ARHGAP26: variants seen among roughly 807,000 people sequenced by gnomAD.
The protein encoded by ARHGAP26 is Rho GTPase activating protein 26.
In ARHGAP26, 38 loss-of-function variants were observed where a neutral mutation model predicts 104.8. The observed-to-expected ratio is 0.36, with a 90% CI of 0.28 to 0.48. The LOEUF is 0.48. Ranked by LOEUF, ARHGAP26 falls within the 20% of genes least tolerant of loss-of-function variation. ARHGAP26 has a pLI of 0.99. For missense variants in ARHGAP26, 704 were observed against 947.9 expected (o/e 0.74, Z 3.38); for synonymous variants, 341 against 340.0 (o/e 1.00, Z -0.03).
chr5:142,785,908 AC>A (rs1428486484), intron 1 of ARHGAP26, among the ~76,000 whole-genome samples: 1 of 150,098 alleles, frequency 6.7e-6, no homozygotes, highest in Non-Finnish European at 1.5e-5. Flanking sequence ...TCATTTGTTC[AC>A]TGTGTCTGGC....
chr5:142,857,108 C>A (rs531907089), intron 1 of ARHGAP26, among the ~76,000 whole-genome samples: 30 of 152,102 alleles, frequency 2.0e-4, no homozygotes, highest in Admixed American at 4.6e-4. Context: ...GCCTTCTTCC[C>A]TGGGTGTGTG....
intron 11 of ARHGAP26, among the ~76,000 whole-genome samples, chr5:142,996,793 G>A (rs1040454870): frequency 6.6e-5 from 10 of 152,288 alleles, no homozygotes; most frequent in Admixed American, 5.2e-4. Context: ...TAGAGGTGGG[G>A]CACCATCTGC....
Position 143,063,720 on chromosome 5 carries a change from C to T in ARHGAP26, c.1538+5973C>T, listed in dbSNP as rs1245123046. ...TTTTCTCCTGTCTGGAATGGCCCCTCCCCAGCCTCTGCCTGCCAAAGGCTA... is the reference window on the plus strand; with the variant it reads ...TTTTCTCCTGTCTGGAATGGCCCCTTCCCAGCCTCTGCCTGCCAAAGGCTA... On this transcript the variant is annotated intron_variant, in intron 17 of 22. Transcript: ENST00000645722. Among the ~76,000 whole-genome samples the T allele has an allele frequency of 2.0e-5, 3 of 152,226 alleles. 1 individual carries two copies. Among genetic ancestry groups the T allele is most frequent in the Admixed American group, 2.0e-4 (3 of 15,278 alleles).
intron 17 of ARHGAP26, among the ~76,000 whole-genome samples, chr5:143,066,687 A>C (rs1050752574): frequency 3.9e-5 from 6 of 152,170 alleles, no homozygotes; most frequent in Non-Finnish European, 7.4e-5. Context: ...TGAGGGCTGG[A>C]TGCTGAAAAC....
chr5:143,013,844 AT>A (rs1247291109), intron 11 of ARHGAP26, among the ~76,000 whole-genome samples: 9 of 151,914 alleles, frequency 5.9e-5, no homozygotes, highest in Middle Eastern at 3.4e-3. Flanking sequence ...AAAAGAGGGA[AT>A]TTTTTTTTAC....
chr5:142,792,749 T>G lies in ARHGAP26; in HGVS notation c.154+21834T>G, dbSNP rs80020232. 5.4e-3 allele frequency among the ~76,000 whole-genome samples: 822 copies of G among 152,238 alleles called. 17 individuals carry two copies. The East Asian group carries it at 0.056, about 10-fold the overall frequency. On this transcript the variant is annotated intron_variant, in intron 1 of 22. Coordinates refer to ENST00000645722, the MANE Select transcript of ARHGAP26 (RefSeq NM_001135608.3). ...CTGTGGAATGAGCAGCGTTGGAGGA[T>G]TTGAAAAAATCCTGGACCTGAAACG... is the stretch of plus-strand genomic sequence containing the variant.
At position 142,922,765 on chromosome 5, in the gene ARHGAP26, G is replaced by A. The variant is rs774939230; in HGVS notation, c.1029-9282G>A. ...TCCTACTTTTCCCTCCTGGTGCAAC[G>A]TGCCTTTATCTTTTGCAACACATGA... On this transcript the variant is annotated intron_variant, in intron 10 of 22. Transcript: ENST00000645722. 2.6e-5 allele frequency among the ~76,000 whole-genome samples: 4 copies of A among 152,234 alleles called. No homozygotes were observed. In the East Asian group the frequency reaches 5.8e-4, roughly 22 times the overall value.
chr5:142,895,598 T>G (rs1445389215), intron 6 of ARHGAP26, among the ~76,000 whole-genome samples: 3 of 152,220 alleles, frequency 2.0e-5, no homozygotes, highest in African/African-American at 7.2e-5. Context: ...GGCCACTCTT[T>G]CTAGTAAAGA....
intron 20 of ARHGAP26, chr5:143,194,271 G>A (rs933242619): frequency 9.2e-5 from 14 of 152,206 alleles, no homozygotes; most frequent in African/African-American, 3.4e-4. Context: ...ATTAAGCTAT[G>A]TCTTTAGCAG....
intron 9 of ARHGAP26, among the ~76,000 whole-genome samples, chr5:142,909,575 A>G (rs1317416726): frequency 6.6e-6 from 1 of 152,248 alleles, no homozygotes; most frequent in Non-Finnish European, 1.5e-5. Context: ...CCCTGAATCA[A>G]AGCAATAACA....
At chr5:143,118,561 A>G (rs1257199158) in intron 17 of ARHGAP26, among the ~76,000 whole-genome samples, 1 of 152,260 alleles carries the variant, frequency 6.6e-6, no homozygotes, top group Non-Finnish European at 1.5e-5. Context: ...ACTTGAGACC[A>G]GGAGTTCAAG....
intron 1 of ARHGAP26, among the ~76,000 whole-genome samples, chr5:142,791,414 G>C (rs757440355): frequency 3.3e-5 from 5 of 152,100 alleles, no homozygotes; most frequent in Non-Finnish European, 5.9e-5. Context: ...TATCAGGTAG[G>C]GGAAAGGGGA....
At chr5:142,804,389 C>A (rs1454288051) in intron 1 of ARHGAP26, among the ~76,000 whole-genome samples, 1 of 152,224 alleles carries the variant, frequency 6.6e-6, no homozygotes, top group Non-Finnish European at 1.5e-5. Context: ...AGCTAGTTTT[C>A]ATTCATTCAC....
chr5:142,791,384 G>T (rs1332875931), intron 1 of ARHGAP26, among the ~76,000 whole-genome samples: 1 of 152,094 alleles, frequency 6.6e-6, no homozygotes, highest in Non-Finnish European at 1.5e-5. Flanking sequence ...TTCTCTCTTA[G>T]GTCTCTATTG....
chr5:143,184,242 G>T (rs144172767), intron 20 of ARHGAP26, among the ~76,000 whole-genome samples: 12 of 152,172 alleles, frequency 7.9e-5, no homozygotes, highest in Non-Finnish European at 1.0e-4. Flanking sequence ...TGCCCATTAG[G>T]GGGTAGAGAA....
chr5:142,894,006 T>C (rs1293156893), intron 5 of ARHGAP26, among the ~76,000 whole-genome samples: 1 of 151,932 alleles, frequency 6.6e-6, no homozygotes, highest in Non-Finnish European at 1.5e-5. Flanking sequence ...AATAATCTCA[T>C]TAGAAAGCTT....
intron 20 of ARHGAP26, among the ~76,000 whole-genome samples, chr5:143,148,557 C>T (rs1003366747): frequency 3.2e-4 from 48 of 152,128 alleles, no homozygotes; most frequent in African/African-American, 1.1e-3. Flanking sequence ...TACTGATGTT[C>T]AGGAAGTTTA....
intron 12 of ARHGAP26, among the ~76,000 whole-genome samples, chr5:143,020,400 C>T (rs958113558): frequency 3.3e-5 from 5 of 152,092 alleles, no homozygotes; most frequent in African/African-American, 4.8e-5. Context: ...GACAGATGGC[C>T]CAATTACATC....
At chr5:142,811,329 T>A (rs1764030436) in intron 1 of ARHGAP26, among the ~76,000 whole-genome samples, 1 of 152,162 alleles carries the variant, frequency 6.6e-6, no homozygotes, top group South Asian at 2.1e-4. Flanking sequence ...CACTGTGAAA[T>A]GTGCTGTGGT....
Sources: allele counts gnomAD v4.1 joint callset (sites outside exome capture counted in the v4.1 genomes callset), GRCh38; gene constraint gnomAD v4.1.1; transcripts MANE v1.5; gene names NCBI Gene and HGNC (gene_info 2026-07-23, HGNC 2026-07-21).